Variants in ZNF704 observed in about 807,000 individuals in gnomAD.
ZNF704 encodes zinc finger protein 704, also known as glucocorticoid induced gene 1.
Under a neutral mutation model 44.7 loss-of-function variants are expected in ZNF704, and 10 were observed. The observed-to-expected ratio is 0.22, with a 90% CI of 0.14 to 0.38. The LOEUF is 0.38. ZNF704 is among the 10% of genes least tolerant of loss of function. The pLI, the probability that ZNF704 is intolerant of heterozygous loss-of-function variation, is 1.00. For missense variants in ZNF704, 390 were observed against 545.5 expected, an observed-to-expected ratio of 0.71 and a Z score of 2.84; for synonymous variants, 211 against 207.6, an observed-to-expected ratio of 1.02 and a Z score of -0.14.
At chr8:80,761,866 A>G (rs1807137211) in intron 2 of ZNF704, among the ~76,000 whole-genome samples, 3 of 152,238 alleles carry the variant, frequency 2.0e-5, no homozygotes, top group Admixed American at 1.3e-4. Flanking sequence ...TAACTGTGGC[A>G]TCTGAAATAC....
intron 3 of ZNF704, among the ~76,000 whole-genome samples, chr8:80,689,338 G>A (rs1480422): frequency 0.021 from 3,221 of 152,252 alleles, 50 homozygotes; most frequent in Middle Eastern, 0.078. Flanking sequence ...GTTGAAATAG[G>A]AGAAACTACC....
chr8:80,692,938 T>A lies in ZNF704; in HGVS notation c.325+66A>T, dbSNP rs968440490. 11 of 1,392,616 alleles carry A rather than the reference T, an allele frequency of 7.9e-6. No individual in the cohort carries two copies. The African/African-American group carries it at 1.6e-4, about 20-fold the overall frequency. The allele number at this position is 1,392,616 out of a possible 1,614,324, so 86.3% of individuals were successfully genotyped here. On this transcript the variant is annotated intron_variant, in intron 3 of 8. Transcript: ENST00000327835. Reference sequence around the variant, plus strand: ...CATAGCGCTTGACAGGAATGAGACATCTCAAAGAAAGGCCCTGCTCTTGGT... The same window carrying A: ...CATAGCGCTTGACAGGAATGAGACAACTCAAAGAAAGGCCCTGCTCTTGGT...
intron 2 of ZNF704, among the ~76,000 whole-genome samples, chr8:80,793,613 T>A (rs948622008): frequency 6.6e-6 from 1 of 152,096 alleles, no homozygotes; most frequent in Non-Finnish European, 1.5e-5. Context: ...AATAGTAGTA[T>A]CCATAAACCA....
At chr8:80,738,721 T>C (rs778779021) in intron 2 of ZNF704, among the ~76,000 whole-genome samples, 1 of 152,236 alleles carries the variant, frequency 6.6e-6, no homozygotes, top group Non-Finnish European at 1.5e-5. Flanking sequence ...TTGTTGAATA[T>C]TGTTCTTTCC....
chr8:80,875,091 C>A (rs968662253), upstream of ZNF704, among the ~76,000 whole-genome samples: 3 of 152,066 alleles, frequency 2.0e-5, no homozygotes, highest in Non-Finnish European at 4.4e-5. Context: ...TTTGAAGAAA[C>A]AAATGGGTGG....
intron 1 of ZNF704, among the ~76,000 whole-genome samples, chr8:80,840,454 T>C (rs991822912): frequency 1.3e-5 from 2 of 152,190 alleles, no homozygotes; most frequent in Non-Finnish European, 2.9e-5. Context: ...CTCTAAAGTA[T>C]ACAGAGGACA....
chr8:80,833,348 CA>C (rs1037086215), intron 1 of ZNF704, among the ~76,000 whole-genome samples: 1 of 150,862 alleles, frequency 6.6e-6, no homozygotes, highest in East Asian at 1.9e-4. Context: ...GACTCCGTCT[CA>C]AAAAAAAGAG....
At chr8:80,868,907 T>C (rs189137676) in intron 1 of ZNF704, among the ~76,000 whole-genome samples, 165 of 152,328 alleles carry the variant, frequency 1.1e-3, no homozygotes, top group Non-Finnish European at 1.8e-3. Context: ...TTTCTATTGC[T>C]CACTCATCAG....
chr8:80,710,224 T>C (rs1004483621), intron 2 of ZNF704, among the ~76,000 whole-genome samples: 1 of 152,170 alleles, frequency 6.6e-6, no homozygotes, highest in African/African-American at 2.4e-5. Context: ...TAGGTTACAG[T>C]CCTACCAGGT....
At chr8:80,732,834 T>A (rs1346468915) in intron 2 of ZNF704, among the ~76,000 whole-genome samples, 1 of 151,804 alleles carries the variant, frequency 6.6e-6, no homozygotes, top group Non-Finnish European at 1.5e-5. Context: ...CATGCGCCTG[T>A]ATGCCCAGCT....
chr8:80,764,357 T>A (rs1169795538), intron 2 of ZNF704, among the ~76,000 whole-genome samples: 1 of 152,160 alleles, frequency 6.6e-6, no homozygotes, highest in Non-Finnish European at 1.5e-5. Context: ...AAGGACCTTC[T>A]TTGCATGACG....
chr8:80,788,403 A>G (rs1807649403), intron 2 of ZNF704, among the ~76,000 whole-genome samples: 1 of 152,212 alleles, frequency 6.6e-6, no homozygotes, highest in Admixed American at 6.5e-5. Context: ...TTCTAACAGA[A>G]TGTTTCGTTT....
Position 80,821,362 on chromosome 8 carries a change from A to G in ZNF704, c.221+12T>C. The G allele has an allele frequency of 1.2e-6, 2 of 1,612,976 alleles. No homozygotes were observed. The highest frequency in any genetic ancestry group is 1.7e-6 in the Non-Finnish European group (2 of 1,179,224). ...CTGGGGCAGACACATGTGAGATTTA[A>G]TGTTCCCTTACCTTGCTGGAGGAAC... On this transcript the variant is annotated intron_variant, in intron 2 of 8. Transcript: ENST00000327835.
chr8:80,653,471 T>C (rs1297262979), intron 7 of ZNF704, among the ~76,000 whole-genome samples: 1 of 152,160 alleles, frequency 6.6e-6, no homozygotes, highest in Non-Finnish European at 1.5e-5. Context: ...TTCAGCAAAG[T>C]CTCAGGATAC....
chr8:80,833,593 G>A (rs1227459705), intron 1 of ZNF704, among the ~76,000 whole-genome samples: 1 of 152,162 alleles, frequency 6.6e-6, no homozygotes, highest in African/African-American at 2.4e-5. Flanking sequence ...CTAGCCCATT[G>A]ATTATATTAT....
At chr8:80,770,966 T>C (rs1807309674) in intron 2 of ZNF704, among the ~76,000 whole-genome samples, 1 of 152,204 alleles carries the variant, frequency 6.6e-6, no homozygotes, top group African/African-American at 2.4e-5. Context: ...CACCATTTGT[T>C]GTGAAAGATA....
chr8:80,696,781 G>C (rs1469316786), intron 2 of ZNF704, among the ~76,000 whole-genome samples: 1 of 152,192 alleles, frequency 6.6e-6, no homozygotes, highest in African/African-American at 2.4e-5. Context: ...TGGGACGCAA[G>C]CCTAAACACA....
chr8:80,807,042 C>G (rs1808001172), intron 2 of ZNF704, among the ~76,000 whole-genome samples: 1 of 152,138 alleles, frequency 6.6e-6, no homozygotes, highest in African/African-American at 2.4e-5. Flanking sequence ...TTTTTGAGAT[C>G]AAAGAAAGCC....
intron 3 of ZNF704, among the ~76,000 whole-genome samples, chr8:80,688,562 G>A (rs1818579789): frequency 6.6e-6 from 1 of 152,122 alleles, no homozygotes. Flanking sequence ...GAAGAGGTTG[G>A]ACCTATTTCT....
Sources: allele counts gnomAD v4.1 joint callset (sites outside exome capture counted in the v4.1 genomes callset), GRCh38; gene constraint gnomAD v4.1.1; transcripts MANE v1.5; gene names NCBI Gene and HGNC (gene_info 2026-07-23, HGNC 2026-07-21).